Variants in SLC12A7 observed in about 807,000 individuals in gnomAD.
SLC12A7 encodes solute carrier family 12 member 7.
In SLC12A7, 100 loss-of-function variants were observed where a neutral mutation model predicts 120.6. The ratio of observed to expected loss-of-function variants is 0.83; its 90% CI spans 0.71 to 0.98. SLC12A7 has a LOEUF of 0.98. Ranked by LOEUF, SLC12A7 falls within the 50% of genes least tolerant of loss-of-function variation. The pLI is 0.00. For missense variants in SLC12A7, 1,373 were observed against 1,548.1 expected, an observed-to-expected ratio of 0.89 and a Z score of 1.90; for synonymous variants, 760 against 678.0, an observed-to-expected ratio of 1.12 and a Z score of -1.88.
At chr5:1,087,832 T>C (rs1740054624) in intron 5 of SLC12A7, among the ~76,000 whole-genome samples, 1 of 152,266 alleles carries the variant, frequency 6.6e-6, no homozygotes, top group Non-Finnish European at 1.5e-5. Context: ...AGTTTACTAG[T>C]TATTACGTAT....
intron 17 of SLC12A7, among the ~76,000 whole-genome samples, chr5:1,068,767 GAGT>G (rs1433476614): frequency 3.3e-5 from 5 of 152,274 alleles, no homozygotes; most frequent in African/African-American, 1.2e-4. Flanking sequence ...GTTAACGTGA[GAGT>G]ATAAGTGAGC....
chr5:1,108,218 C>A (rs768313497), intron 1 of SLC12A7, among the ~76,000 whole-genome samples: 1 of 152,258 alleles, frequency 6.6e-6, no homozygotes, highest in African/African-American at 2.4e-5. Flanking sequence ...TGACCTAAAG[C>A]ACCATGCTTT....
At chr5:1,110,158 G>A (rs988582256) in intron 1 of SLC12A7, among the ~76,000 whole-genome samples, 5 of 152,258 alleles carry the variant, frequency 3.3e-5, no homozygotes, top group Non-Finnish European at 7.3e-5. Context: ...GCTGGGCACC[G>A]GGCCCTTTCT....
chr5:1,134,285 C>G, the SLC12A7 span, among the ~76,000 whole-genome samples: 11,008 of 152,090 alleles, frequency 0.072, 668 homozygotes, highest in African/African-American at 0.16. Context: ...GCCTGGCCAA[C>G]ATGATGAAAC....
At position 1,083,892 on chromosome 5, in the gene SLC12A7, C is replaced by T. The variant is rs149888658; in HGVS notation, c.982G>A (p.Gly328Ser). 5.8e-5 allele frequency: 93 copies of T among 1,608,572 alleles called. 1 individual carries two copies. The highest frequency in any genetic ancestry group is 1.8e-4 in the East Asian group (8 of 44,864). ...RSFDACVKAY[G>S]IHNNSATSAL... Reference sequence around the variant, plus strand: ...GAGGTGGCTGAGTTGTTGTGGATGCCGTAGGCCTTGACGCAGGCATCGAAG... The same window carrying T: ...GAGGTGGCTGAGTTGTTGTGGATGCTGTAGGCCTTGACGCAGGCATCGAAG... Residue 328 changes from glycine (G) to serine (S), a missense_variant, in exon 8 of 24, where the codon GGC becomes AGC. By Grantham distance (56) the Gly-to-Ser change is moderately conservative. Coordinates refer to ENST00000264930, the MANE Select transcript of SLC12A7 (RefSeq NM_006598.3).
intron 22 of SLC12A7, among the ~76,000 whole-genome samples, chr5:1,056,092 G>A (rs946120591): frequency 3.3e-5 from 5 of 152,152 alleles, no homozygotes; most frequent in East Asian, 1.9e-4. Flanking sequence ...CACCTGCCCC[G>A]GAGCTCAGAC....
At chr5:1,122,626 C>T in the SLC12A7 span, among the ~76,000 whole-genome samples, 1 of 152,242 alleles carries the variant, frequency 6.6e-6, no homozygotes, top group Non-Finnish European at 1.5e-5. Context: ...CAGCCTGGCA[C>T]CTGCCATTCT....
rs572289113 is a variant in SLC12A7, at chr5:1,086,729, C to T, written c.675+174G>A. On this transcript the variant is annotated intron_variant, in intron 6 of 23. Transcript: ENST00000264930. Reference sequence around the variant, plus strand: ...GGGACACAGGTCGCTGCTGAGTGGACGCTGCCCAGTGGCTTCCGCCATGGC... The same window carrying T: ...GGGACACAGGTCGCTGCTGAGTGGATGCTGCCCAGTGGCTTCCGCCATGGC... 4.1e-4 allele frequency among the ~76,000 whole-genome samples: 63 copies of T among 152,338 alleles called. No individual in the cohort carries two copies. The South Asian group carries it at 0.011, about 27-fold the overall frequency.
chr5:1,144,302 G>A, the SLC12A7 span, among the ~76,000 whole-genome samples: 21,296 of 152,216 alleles, frequency 0.14, 1,612 homozygotes, highest in Middle Eastern at 0.23. Flanking sequence ...CCCACGTCCC[G>A]GGCTCCACGC....
chr5:1,129,756 A>T, the SLC12A7 span, among the ~76,000 whole-genome samples: 1 of 152,248 alleles, frequency 6.6e-6, no homozygotes, highest in Non-Finnish European at 1.5e-5. Context: ...ATGATTAAAC[A>T]GGAAGAAAAG....
chr5:1,085,523 G>A, intron 6 of SLC12A7, 50 bp from the exon 7 acceptor site: 2 of 1,522,810 alleles, frequency 1.3e-6, no homozygotes. Context: ...CAACTCCCCA[G>A]TGCCCGTCCC....
intron 1 of SLC12A7, among the ~76,000 whole-genome samples, chr5:1,106,048 G>A (rs1468489359): frequency 1.3e-5 from 2 of 152,238 alleles, no homozygotes; most frequent in Non-Finnish European, 2.9e-5. Context: ...GAAACACTCA[G>A]CTGATGGAGC....
intron 8 of SLC12A7, among the ~76,000 whole-genome samples, chr5:1,083,423 C>T (rs1052978750): frequency 3.3e-5 from 5 of 152,210 alleles, no homozygotes; most frequent in Admixed American, 6.5e-5. Flanking sequence ...GGGAAGTTAC[C>T]GCCCAGCTAC....
At chr5:1,134,810 C>T in the SLC12A7 span, among the ~76,000 whole-genome samples, 2 of 152,060 alleles carry the variant, frequency 1.3e-5, no homozygotes, top group Non-Finnish European at 2.9e-5. Context: ...ACAAGTCGGT[C>T]CACACAGCGG....
chr5:1,068,996 G>A (rs1476250797), intron 17 of SLC12A7, among the ~76,000 whole-genome samples: 6 of 152,250 alleles, frequency 3.9e-5, no homozygotes, highest in African/African-American at 1.2e-4. Context: ...CATGGGATAA[G>A]GAACACGGAA....
intron 12 of SLC12A7, 25 bp from the exon 13 acceptor site, chr5:1,076,837 G>A (rs772640524): frequency 2.7e-6 from 4 of 1,502,438 alleles, no homozygotes; most frequent in Admixed American, 1.7e-5. Flanking sequence ...GCAGGAAGAT[G>A]GGGCAGATGA....
At chr5:1,059,896 C>G (rs10866473) in intron 21 of SLC12A7, among the ~76,000 whole-genome samples, 142,883 of 152,198 alleles carry the variant, frequency 0.94, 67,743 homozygotes, top group East Asian at 1. Context: ...AGGGGCTCCA[C>G]GGTTTCAGGC....
the SLC12A7 span, among the ~76,000 whole-genome samples, chr5:1,145,300 G>A: frequency 4.9e-4 from 75 of 152,386 alleles, no homozygotes; most frequent in African/African-American, 1.7e-3. The surrounding 1 kb of genome is among the most constrained non-coding windows in gnomAD (Gnocchi z 4.4). Context: ...AATGATGGCC[G>A]GTTCCGCAGA....
chr5:1,148,921 G>A, the SLC12A7 span, among the ~76,000 whole-genome samples: 4 of 152,170 alleles, frequency 2.6e-5, no homozygotes, highest in Non-Finnish European at 5.9e-5. Context: ...TGATGTATTG[G>A]GGCCTGGTGT....
Sources: allele counts gnomAD v4.1 joint callset (sites outside exome capture counted in the v4.1 genomes callset), GRCh38; gene constraint gnomAD v4.1.1; non-coding constraint Gnocchi (gnomAD v3.1); transcripts MANE v1.5; gene names NCBI Gene and HGNC (gene_info 2026-07-23, HGNC 2026-07-21).